NFIA: variants seen among roughly 807,000 people sequenced by gnomAD.
NFIA encodes the protein nuclear factor 1 A-type.
Under a neutral mutation model 62.8 loss-of-function variants are expected in NFIA, and 8 were observed. That is an observed-to-expected ratio of 0.13 (90% CI 0.07 to 0.23). NFIA has a LOEUF of 0.23. Ranked by LOEUF, NFIA falls within the 10% of genes least tolerant of loss-of-function variation. The pLI is 1.00. For synonymous variants in NFIA, 235 were observed against 238.1 expected (o/e 0.99, Z 0.12); for missense variants, 410 against 642.1 (o/e 0.64, Z 3.91).
chr1:61,413,932 T>C (rs943830179), intron 9 of NFIA, among the ~76,000 whole-genome samples: 1 of 150,350 alleles, frequency 6.7e-6, no homozygotes. Flanking sequence ...GGCCCAAGTA[T>C]TTTACTTTTA....
chr1:61,129,211 C>T (rs1353522400), intron 2 of NFIA, among the ~76,000 whole-genome samples: 4 of 151,780 alleles, frequency 2.6e-5, no homozygotes, highest in South Asian at 2.1e-4. Flanking sequence ...TGTGAGCCAC[C>T]GCGCCCGGCC....
intron 2 of NFIA, among the ~76,000 whole-genome samples, chr1:61,219,397 T>C (rs1653859226): frequency 6.6e-6 from 1 of 152,034 alleles, no homozygotes; most frequent in South Asian, 2.1e-4. Context: ...TCTAAGGAAC[T>C]ACCAACTATC....
At chr1:61,077,379 C>G, upstream of NFIA, 1 of 379,300 alleles carries the variant, frequency 2.6e-6, no homozygotes, top group Non-Finnish European at 4.7e-6. Flanking sequence ...AGCGAGCGAG[C>G]GAGAGCGAGA....
At chr1:61,131,405 C>G (rs1647077157) in intron 2 of NFIA, among the ~76,000 whole-genome samples, 1 of 152,050 alleles carries the variant, frequency 6.6e-6, no homozygotes, top group South Asian at 2.1e-4. Flanking sequence ...TGAATTTCCT[C>G]CCTAGATTTT....
At chr1:61,204,990 A>C (rs1652800883) in intron 2 of NFIA, among the ~76,000 whole-genome samples, 1 of 152,220 alleles carries the variant, frequency 6.6e-6, no homozygotes, top group African/African-American at 2.4e-5. Context: ...GAGAAGGTTT[A>C]GCATAGGACT....
At chr1:61,219,719 A>AAAAAAAAG (rs1468546630) in intron 2 of NFIA, among the ~76,000 whole-genome samples, 4 of 150,968 alleles carry the variant, frequency 2.6e-5, no homozygotes, top group Non-Finnish European at 5.9e-5. Context: ...GTCTCAAAAA[A>AAAAAAAAG]AAAAAAAGAA....
At chr1:61,290,530 T>C (rs1264441373) in intron 3 of NFIA, among the ~76,000 whole-genome samples, 1 of 152,192 alleles carries the variant, frequency 6.6e-6, no homozygotes, top group East Asian at 1.9e-4. Context: ...TAGAGAGGTT[T>C]ATCTTCTTTT....
At chr1:61,139,963 C>G (rs1647382958) in intron 2 of NFIA, among the ~76,000 whole-genome samples, 1 of 150,714 alleles carries the variant, frequency 6.6e-6, no homozygotes, top group South Asian at 2.1e-4. Flanking sequence ...GGAAGAATAG[C>G]TCTTCCTGCA....
chr1:61,236,509 A>G (rs1189606541), intron 2 of NFIA, among the ~76,000 whole-genome samples: 1 of 152,218 alleles, frequency 6.6e-6, no homozygotes, highest in East Asian at 1.9e-4. Context: ...CTACAAAAAT[A>G]CTACACAGAG....
chr1:61,332,703 G>A, intron 4 of NFIA, 117 bp downstream of exon 4: 3 of 727,342 alleles, frequency 4.1e-6, no homozygotes, highest in Non-Finnish European at 6.8e-6. Flanking sequence ...TTCACCCATT[G>A]GAAGAATTTT....
chr1:61,305,162 G>C (rs1490477295), intron 3 of NFIA, among the ~76,000 whole-genome samples: 1 of 152,076 alleles, frequency 6.6e-6, no homozygotes, highest in African/African-American at 2.4e-5. Context: ...TAAAAGGAGA[G>C]AGAAGGAAAA....
intron 3 of NFIA, among the ~76,000 whole-genome samples, chr1:61,330,681 G>A (rs1421300912): frequency 6.6e-6 from 1 of 152,090 alleles, no homozygotes; most frequent in Non-Finnish European, 1.5e-5. Context: ...ATTGCCTTGT[G>A]TTTACATTCA....
At chr1:61,156,887 C>T (rs973598455) in intron 2 of NFIA, among the ~76,000 whole-genome samples, 1 of 152,194 alleles carries the variant, frequency 6.6e-6, no homozygotes, top group East Asian at 1.9e-4. Context: ...ACATAGTAAA[C>T]CTTGTGTGGG....
At chr1:61,394,340 A>C (rs1665160481) in intron 7 of NFIA, among the ~76,000 whole-genome samples, 2 of 152,086 alleles carry the variant, frequency 1.3e-5, no homozygotes, top group South Asian at 2.1e-4. Flanking sequence ...TGCCTGGCTA[A>C]TTTTTTGTAT....
chr1:61,416,927 A>G (rs1352064950), intron 9 of NFIA, among the ~76,000 whole-genome samples: 3 of 152,130 alleles, frequency 2.0e-5, no homozygotes. Flanking sequence ...AAAATCTTTT[A>G]CATTACGTCA....
intron 4 of NFIA, among the ~76,000 whole-genome samples, chr1:61,348,708 T>G (rs967741318): frequency 1.3e-5 from 2 of 152,192 alleles, no homozygotes; most frequent in African/African-American, 4.8e-5. Context: ...AGTATTAAAT[T>G]TAAGTGCAGC....
intron 2 of NFIA, among the ~76,000 whole-genome samples, chr1:61,166,759 T>A (rs1219131188): frequency 2.0e-5 from 3 of 152,216 alleles, no homozygotes; most frequent in Admixed American, 2.0e-4. Context: ...TATTGTCTCT[T>A]CCCTACAGTC....
intron 9 of NFIA, among the ~76,000 whole-genome samples, chr1:61,425,742 A>C (rs181194330): frequency 5.9e-5 from 9 of 152,360 alleles, no homozygotes; most frequent in Admixed American, 5.2e-4. Context: ...CCATGAACCA[A>C]GAAAGGATAG....
In NFIA at chr1:61,455,581, T is replaced by C. The variant is rs1343236345; in HGVS notation, c.*261T>C. On this transcript the variant is annotated 3_prime_UTR_variant, in exon 11 of 11. Transcript: ENST00000403491. ...CATATGGTGCTGGAAATGGTTGGGC[T>C]TTGTAACATTTGAAGTGTTTCCATG... The C allele has an allele frequency of 1.8e-6, 1 of 541,076 alleles. No individual in the cohort carries two copies. The highest frequency in any genetic ancestry group is 3.2e-5 in the East Asian group (1 of 31,638). The allele number at this position is 541,076 out of a possible 1,614,324, so 33.5% of individuals were successfully genotyped here.
Sources: gnomAD v4.1 joint callset for allele counts (sites outside exome capture counted in the v4.1 genomes callset) on GRCh38, gnomAD v4.1.1 for gene constraint, MANE v1.5 for transcripts, NCBI Gene and HGNC (gene_info 2026-07-23, HGNC 2026-07-21) for gene names.